Variants in CTNNA3 observed in about 807,000 individuals in gnomAD.
The protein encoded by CTNNA3 is catenin alpha-3.
Under a neutral mutation model 95.7 loss-of-function variants are expected in CTNNA3, and 76 were observed. The observed-to-expected ratio is 0.79, with a 90% CI of 0.66 to 0.96. The LOEUF (loss-of-function observed/expected upper bound fraction) is 0.96, where lower values mean the gene tolerates loss of function less well. Among genes scored for constraint, CTNNA3 ranks in the 40% least tolerant of loss-of-function variants. The pLI, the probability that CTNNA3 is intolerant of heterozygous loss-of-function variation, is 0.00. For synonymous variants in CTNNA3, 431 were observed against 374.4 expected (o/e 1.15, Z -1.74); for missense variants, 1,191 against 1,089.8 (o/e 1.09, Z -1.31).
intron 7 of CTNNA3, among the ~76,000 whole-genome samples, chr10:67,010,174 CAGA>C (rs1307211946): frequency 6.6e-6 from 1 of 152,076 alleles, no homozygotes; most frequent in African/African-American, 2.4e-5. Flanking sequence ...TGCACTAAAG[CAGA>C]AGATTACACA....
intron 2 of CTNNA3, among the ~76,000 whole-genome samples, chr10:67,639,786 GC>G (rs749054028): frequency 4.6e-5 from 7 of 152,000 alleles, no homozygotes; most frequent in Non-Finnish European, 1.0e-4. Flanking sequence ...TGCAGAAAAG[GC>G]CTTTCACAAA....
chr10:66,521,228 C>T lies in CTNNA3; in HGVS notation c.1375-455G>A, dbSNP rs1425060043. The stretch of plus-strand genomic sequence containing the variant: ...TAATAATTTTTATTTTTAAAATTTT[C>T]CTACTCCCTCTATTATTGCAGAGTG... On this transcript the variant is annotated intron_variant, in intron 10 of 17. Transcript: ENST00000433211. 3.3e-5 allele frequency among the ~76,000 whole-genome samples: 5 copies of T among 151,608 alleles called. No homozygotes were observed. The South Asian group carries it at 8.3e-4, about 25-fold the overall frequency.
intron 5 of CTNNA3, among the ~76,000 whole-genome samples, chr10:67,229,140 C>T (rs1368384059): frequency 6.6e-6 from 1 of 152,068 alleles, no homozygotes; most frequent in African/African-American, 2.4e-5. Flanking sequence ...GGGTTTCATA[C>T]CAGGGATGCA....
chr10:66,719,112 T>A (rs1041745166), intron 9 of CTNNA3, among the ~76,000 whole-genome samples: 1 of 152,192 alleles, frequency 6.6e-6, no homozygotes, highest in Non-Finnish European at 1.5e-5. Flanking sequence ...CTCAAGCCAA[T>A]TTAAGTGTCC....
At chr10:67,703,269 C>T (rs902639312) in intron 1 of CTNNA3, among the ~76,000 whole-genome samples, 1 of 152,134 alleles carries the variant, frequency 6.6e-6, no homozygotes, top group Non-Finnish European at 1.5e-5. Flanking sequence ...CTCCCTAACT[C>T]ATTTTATGAG....
chr10:65,983,361 G>A (rs117294433), intron 16 of CTNNA3, among the ~76,000 whole-genome samples: 5,085 of 151,454 alleles, frequency 0.034, 172 homozygotes, highest in Non-Finnish European at 0.043. Context: ...TCCTATCTAG[G>A]TTATACTGCT....
At chr10:66,313,753 A>G in intron 12 of CTNNA3, among the ~76,000 whole-genome samples, 1 of 152,194 alleles carries the variant, frequency 6.6e-6, no homozygotes, top group Non-Finnish European at 1.5e-5. Context: ...CACTCAACAC[A>G]CAAGTGAATG....
intron 16 of CTNNA3, among the ~76,000 whole-genome samples, chr10:65,967,211 A>G (rs1420011546): frequency 1.3e-5 from 2 of 151,752 alleles, no homozygotes; most frequent in African/African-American, 4.8e-5. Flanking sequence ...CTGCCTTGGC[A>G]TCCCACAGTG....
intron 7 of CTNNA3, among the ~76,000 whole-genome samples, chr10:66,943,952 G>T (rs1290657343): frequency 6.6e-6 from 1 of 152,140 alleles, no homozygotes; most frequent in Non-Finnish European, 1.5e-5. Context: ...CAATCTTTTT[G>T]CTGGTGTAGG....
At chr10:67,078,335 AG>A (rs1330019823) in intron 7 of CTNNA3, among the ~76,000 whole-genome samples, 1 of 152,186 alleles carries the variant, frequency 6.6e-6, no homozygotes, top group Non-Finnish European at 1.5e-5. Context: ...AAAGCCCTAA[AG>A]CACAATTGCT....
chr10:67,126,413 G>C (rs1859723111), intron 7 of CTNNA3, among the ~76,000 whole-genome samples: 1 of 150,858 alleles, frequency 6.6e-6, no homozygotes, highest in Non-Finnish European at 1.5e-5. Context: ...TGTAATCCCA[G>C]CTACTCGGGA....
chr10:66,565,805 A>G (rs1387616015), intron 10 of CTNNA3, among the ~76,000 whole-genome samples: 1 of 152,126 alleles, frequency 6.6e-6, no homozygotes, highest in Non-Finnish European at 1.5e-5. Flanking sequence ...GTGAATAAAC[A>G]TTTTCATTAT....
chr10:66,415,375 T>C (rs1310091375), intron 11 of CTNNA3, among the ~76,000 whole-genome samples: 1 of 152,040 alleles, frequency 6.6e-6, no homozygotes, highest in Non-Finnish European at 1.5e-5. Flanking sequence ...GACACTGACC[T>C]TCCCAGAACA....
chr10:67,556,497 C>A (rs1488695179), intron 3 of CTNNA3, among the ~76,000 whole-genome samples: 1 of 152,032 alleles, frequency 6.6e-6, no homozygotes, highest in African/African-American at 2.4e-5. Context: ...GTGTATATGT[C>A]CAGGAATTTA....
Position 66,003,707 on chromosome 10 carries a change from T to C in CTNNA3, c.2160-14910A>G, listed in dbSNP as rs866214966. ...ACTATTTTCTCCAGGACTTTATAAG[T>C]CTGAAGATTTAATATTTTTTTGTGT... On this transcript the variant is annotated intron_variant, in intron 15 of 17. Transcript: ENST00000433211. Among the ~76,000 whole-genome samples, 6 of 152,340 alleles carry C rather than the reference T, an allele frequency of 3.9e-5. 1 individual carries two copies. In the Middle Eastern group the frequency reaches 0.02, roughly 518 times the overall value.
At chr10:66,896,420 C>T (rs1422384837) in intron 7 of CTNNA3, among the ~76,000 whole-genome samples, 1 of 152,064 alleles carries the variant, frequency 6.6e-6, no homozygotes, top group Non-Finnish European at 1.5e-5. Context: ...TGGGCCACAG[C>T]TTTGTTTGTT....
intron 5 of CTNNA3, among the ~76,000 whole-genome samples, chr10:67,500,337 G>A (rs544940167): frequency 4.6e-5 from 7 of 152,308 alleles, no homozygotes; most frequent in African/African-American, 1.7e-4. Context: ...GCTAAGGAGT[G>A]TTTTACTTCC....
chr10:66,003,353 G>C lies in CTNNA3; in HGVS notation c.2160-14556C>G, dbSNP rs182186975. Reference sequence around the variant, plus strand: ...TGGTGTGTGTGTGTGTGTGTGGAGAGAGAGAGAAGAAATTCCCTTCCTCAA... The same window carrying C: ...TGGTGTGTGTGTGTGTGTGTGGAGACAGAGAGAAGAAATTCCCTTCCTCAA... On this transcript the variant is annotated intron_variant, in intron 15 of 17. Coordinates refer to ENST00000433211, the MANE Select transcript of CTNNA3 (RefSeq NM_013266.4). 3.6e-3 allele frequency among the ~76,000 whole-genome samples: 512 copies of C among 144,212 alleles called. 4 individuals are homozygous for C. Among genetic ancestry groups the C allele is most frequent in the African/African-American group, 0.012 (448 of 38,856 alleles). 94.6% of individuals were successfully genotyped at this position (144,212 alleles called of 152,430 possible). A position where few individuals can be genotyped will look rare whatever the true frequency, so the allele number is the denominator to read the frequency against.
intron 12 of CTNNA3, among the ~76,000 whole-genome samples, chr10:66,298,151 T>C (rs2091808885): frequency 6.6e-6 from 1 of 152,150 alleles, no homozygotes; most frequent in Non-Finnish European, 1.5e-5. Flanking sequence ...CTAAAATGTG[T>C]TAGAGTATTT....
Sources: allele counts gnomAD v4.1 joint callset (sites outside exome capture counted in the v4.1 genomes callset), GRCh38; gene constraint gnomAD v4.1.1; transcripts MANE v1.5; gene names NCBI Gene and HGNC (gene_info 2026-07-23, HGNC 2026-07-21).